KHDRBS2: variants seen among roughly 807,000 people sequenced by gnomAD.
KHDRBS2 encodes the protein KH RNA binding domain containing, signal transduction associated 2, also known as KH domain-containing, RNA-binding, signal transduction-associated protein 2.
A neutral mutation model predicts 44.3 loss-of-function variants in KHDRBS2; 26 were observed. The ratio of observed to expected loss-of-function variants is 0.59; its 90% CI spans 0.43 to 0.81. The LOEUF (loss-of-function observed/expected upper bound fraction) is 0.81. Among genes scored for constraint, KHDRBS2 ranks in the 40% least tolerant of loss-of-function variants. The pLI is 0.00. For synonymous variants in KHDRBS2, 194 were observed against 151.1 expected (o/e 1.28, Z -2.08); for missense variants, 476 against 433.1 (o/e 1.10, Z -0.88).
intron 3 of KHDRBS2, among the ~76,000 whole-genome samples, chr6:62,042,898 A>C (rs1786845730): frequency 6.6e-6 from 1 of 152,146 alleles, no homozygotes; most frequent in African/African-American, 2.4e-5. Context: ...TACTTTTAAC[A>C]TATAATCATG....
intron 6 of KHDRBS2, among the ~76,000 whole-genome samples, chr6:61,864,063 T>A (rs1445876311): frequency 6.6e-6 from 1 of 152,184 alleles, no homozygotes; most frequent in Non-Finnish European, 1.5e-5. Context: ...TCTCCTTTGA[T>A]CTTTGTTGAT....
intron 6 of KHDRBS2, among the ~76,000 whole-genome samples, chr6:61,829,272 C>T (rs949169613): frequency 1.4e-4 from 21 of 152,120 alleles, no homozygotes; most frequent in African/African-American, 5.1e-4. Flanking sequence ...AGCAATTCTC[C>T]TGCCTCAGCT....
chr6:61,970,553 G>A (rs552564294), intron 4 of KHDRBS2, among the ~76,000 whole-genome samples: 1 of 152,218 alleles, frequency 6.6e-6, no homozygotes, highest in South Asian at 2.1e-4. Flanking sequence ...AGATTACTGA[G>A]AGAGAACACT....
chr6:61,607,587 A>T, the KHDRBS2 span, among the ~76,000 whole-genome samples: 1 of 150,364 alleles, frequency 6.7e-6, no homozygotes, highest in Non-Finnish European at 1.5e-5. Flanking sequence ...CAAAGATTAA[A>T]AAAATCTAGA....
At position 61,769,931 on chromosome 6, in the gene KHDRBS2, C is replaced by G. The variant is rs183301473; in HGVS notation, c.811-37167G>C. 7.0e-4 allele frequency among the ~76,000 whole-genome samples: 107 copies of G among 152,274 alleles called. No homozygotes were observed. In the Middle Eastern group the frequency reaches 0.01, roughly 15 times the overall value. On this transcript the variant is annotated intron_variant, in intron 6 of 8. Transcript: ENST00000281156. The stretch of plus-strand genomic sequence containing the variant: ...CCCCAAGTAGCCTAACTGGGAGGCA[C>G]CCCCCAGTAGGGGTGGACTGACACC...
intron 2 of KHDRBS2, among the ~76,000 whole-genome samples, chr6:62,097,325 G>A (rs888797658): frequency 3.3e-5 from 5 of 151,922 alleles, no homozygotes; most frequent in Admixed American, 3.3e-4. Flanking sequence ...TGAAAGTGGG[G>A]TATTAAAGTC....
chr6:61,666,309 A>T, the KHDRBS2 span, among the ~76,000 whole-genome samples: 3 of 151,572 alleles, frequency 2.0e-5, no homozygotes, highest in Non-Finnish European at 3.0e-5. Flanking sequence ...TTCTAGAAAC[A>T]TTCTTTAGCA....
At chr6:61,954,101 C>T (rs889834341) in intron 4 of KHDRBS2, among the ~76,000 whole-genome samples, 1 of 152,120 alleles carries the variant, frequency 6.6e-6, no homozygotes, top group Non-Finnish European at 1.5e-5. Flanking sequence ...GCTCCACAGG[C>T]ATCTCAGAGT....
intron 2 of KHDRBS2, among the ~76,000 whole-genome samples, chr6:62,101,361 A>C (rs192880726): frequency 6.6e-6 from 1 of 152,260 alleles, no homozygotes; most frequent in East Asian, 1.9e-4. Flanking sequence ...AGGGCTTTCT[A>C]AGTAACTGCA....
intron 2 of KHDRBS2, among the ~76,000 whole-genome samples, chr6:62,167,467 T>C (rs1439799072): frequency 6.6e-6 from 1 of 152,200 alleles, no homozygotes; most frequent in African/African-American, 2.4e-5. Context: ...ATAATACCAC[T>C]GAAAATTTCT....
chr6:61,855,274 T>A (rs572214359), intron 6 of KHDRBS2, among the ~76,000 whole-genome samples: 1 of 152,054 alleles, frequency 6.6e-6, no homozygotes, highest in Non-Finnish European at 1.5e-5. Flanking sequence ...ATCATTTGAT[T>A]TTTGTAAATT....
intron 3 of KHDRBS2, among the ~76,000 whole-genome samples, chr6:62,033,414 ATAAT>A (rs1784701574): frequency 6.6e-6 from 1 of 151,976 alleles, no homozygotes; most frequent in Non-Finnish European, 1.5e-5. Context: ...AAGGCATTTA[ATAAT>A]TAAACTCCCA....
chr6:62,145,369 AG>A (rs1211538344), intron 2 of KHDRBS2, among the ~76,000 whole-genome samples: 5 of 151,656 alleles, frequency 3.3e-5, no homozygotes, highest in Admixed American at 3.3e-4. Context: ...ATTCAATTAA[AG>A]CTTACATCGC....
chr6:62,249,854 A>C lies in KHDRBS2; in HGVS notation c.91+36004T>G, dbSNP rs934136666. ...GTCATGATGAACACTGCCATAAAAA[A>C]CCTTGCTTTAAATAACTAATATAAA... On this transcript the variant is annotated intron_variant, in intron 1 of 8. Transcript: ENST00000281156. Among the ~76,000 whole-genome samples the C allele has an allele frequency of 6.6e-5, 10 of 152,074 alleles. 1 individual carries two copies. Among genetic ancestry groups the C allele is most frequent in the Admixed American group, 5.3e-4 (8 of 15,238 alleles).
intron 6 of KHDRBS2, among the ~76,000 whole-genome samples, chr6:61,876,186 A>G (rs185829922): frequency 1.3e-5 from 2 of 151,982 alleles, no homozygotes; most frequent in African/African-American, 4.8e-5. Flanking sequence ...TGATTGCTGA[A>G]GTCTCTAAGT....
intron 7 of KHDRBS2, among the ~76,000 whole-genome samples, chr6:61,713,461 A>G (rs1351041341): frequency 3.3e-5 from 5 of 151,764 alleles, no homozygotes; most frequent in African/African-American, 1.2e-4. Flanking sequence ...TTCCAATTCT[A>G]TGATTTAAGA....
chr6:61,848,631 C>T (rs1795005340), intron 6 of KHDRBS2, among the ~76,000 whole-genome samples: 1 of 129,918 alleles, frequency 7.7e-6, no homozygotes, highest in Admixed American at 8.1e-5. Flanking sequence ...TTTCATATGT[C>T]CTATCTGTTC....
intron 1 of KHDRBS2, among the ~76,000 whole-genome samples, chr6:62,231,218 C>T (rs1307884095): frequency 6.3e-4 from 96 of 152,106 alleles, no homozygotes; most frequent in Non-Finnish European, 2.9e-5. Context: ...TTTCACACTT[C>T]TATAAAGAAA....
chr6:62,054,564 A>C (rs1408139913), intron 2 of KHDRBS2, among the ~76,000 whole-genome samples: 4 of 152,072 alleles, frequency 2.6e-5, no homozygotes, highest in Non-Finnish European at 4.4e-5. Flanking sequence ...AGCTGTGCCT[A>C]ATGTCTTTTT....
Sources: gnomAD v4.1 joint callset for allele counts (sites outside exome capture counted in the v4.1 genomes callset) on GRCh38, gnomAD v4.1.1 for gene constraint, MANE v1.5 for transcripts, NCBI Gene and HGNC (gene_info 2026-07-23, HGNC 2026-07-21) for gene names.